The following NRDC variants were observed in gnomAD, a reference collection of about 807,000 sequenced individuals.
The protein encoded by NRDC is nardilysin convertase.
NRDC carries 54 observed loss-of-function variants against 147.1 expected under a neutral mutation model. The observed-to-expected ratio is 0.37, with a 90% CI of 0.29 to 0.46. The LOEUF is 0.46. Ranked by LOEUF, NRDC falls within the 20% of genes least tolerant of loss-of-function variation. NRDC has a pLI of 1.00. For synonymous variants in NRDC, 440 were observed against 482.1 expected (o/e 0.91, Z 1.14); for missense variants, 1,082 against 1,370.6 (o/e 0.79, Z 3.33).
chr1:51,799,548 G>A (rs1424192743), intron 21 of NRDC, among the ~76,000 whole-genome samples: 1 of 152,062 alleles, frequency 6.6e-6, no homozygotes, highest in East Asian at 1.9e-4. Flanking sequence ...GAACCTTTAC[G>A]CTGTTCACTA....
intron 1 of NRDC, among the ~76,000 whole-genome samples, chr1:51,874,764 G>A (rs1683244809): frequency 6.6e-6 from 1 of 152,132 alleles, no homozygotes; most frequent in South Asian, 2.1e-4. Context: ...TACTTGGTAA[G>A]CATTTAATAC....
At chr1:51,819,337 T>C (rs183727198) in intron 9 of NRDC, among the ~76,000 whole-genome samples, 1 of 152,222 alleles carries the variant, frequency 6.6e-6, no homozygotes, top group East Asian at 1.9e-4. Flanking sequence ...ATGACTTCTC[T>C]TCATGGTAAG....
intron 19 of NRDC, among the ~76,000 whole-genome samples, chr1:51,804,256 G>A (rs1679346317): frequency 6.6e-6 from 1 of 152,166 alleles, no homozygotes; most frequent in African/African-American, 2.4e-5. Context: ...TGGCCTGAAG[G>A]CTCTGTCTAC....
At chr1:51,860,482 C>T (rs906567763) in intron 1 of NRDC, among the ~76,000 whole-genome samples, 4 of 152,164 alleles carry the variant, frequency 2.6e-5, no homozygotes, top group East Asian at 1.9e-4. Context: ...TAGAGACTGC[C>T]ACCTCTTTCT....
At chr1:51,864,655 A>G (rs1365806804) in intron 1 of NRDC, among the ~76,000 whole-genome samples, 1 of 152,138 alleles carries the variant, frequency 6.6e-6, no homozygotes, top group Admixed American at 6.5e-5. Context: ...TTAAATAGTA[A>G]TAAAATTAGA....
At chr1:51,825,515 A>C in intron 5 of NRDC, 133 bp from the exon 6 acceptor site, 1 of 695,474 alleles carries the variant, frequency 1.4e-6, no homozygotes, top group Non-Finnish European at 2.4e-6. Context: ...ATAAGACTGA[A>C]GTGGGAAACT....
intron 1 of NRDC, among the ~76,000 whole-genome samples, chr1:51,869,571 T>G (rs1234374375): frequency 6.6e-6 from 1 of 152,204 alleles, no homozygotes; most frequent in Non-Finnish European, 1.5e-5. Context: ...TCTCTCTATT[T>G]CAACATATAA....
In NRDC at chr1:51,878,353, T is replaced by C. The variant is rs758820561; in HGVS notation, c.263A>G (p.Glu88Gly). Residue 88 changes from glutamate (E) to glycine (G), a missense_variant, in exon 1 of 31, where the codon GAA (glutamate) becomes GGA (glycine). Physicochemically the swap from Glu to Gly is moderately conservative, Grantham distance 98. Around this residue, in one of 3 missense-constraint regions of NRDC, gnomAD observed 260 missense variants for 253.2 expected, o/e 1.03. Transcript: ENST00000352171. ...ACTGAGAGACCCCCTCCGTCCCTCT[T>C]CCTCAGATTCATCCGCTCCTAGACG... ...VARLGADESEEEGRRGSLSNA... is the reference protein window; with the variant it reads ...VARLGADESEGEGRRGSLSNA... The C allele has an allele frequency of 6.2e-7, 1 of 1,614,146 alleles. No individual in the cohort carries two copies. The highest frequency in any genetic ancestry group is 1.7e-5 in the Admixed American group (1 of 60,018).
At chr1:51,826,936 T>C (rs969873830) in intron 5 of NRDC, among the ~76,000 whole-genome samples, 1 of 152,222 alleles carries the variant, frequency 6.6e-6, no homozygotes, top group Admixed American at 6.5e-5. Context: ...ATAACAGTTC[T>C]TGAGTCTCAA....
intron 23 of NRDC, 82 bp from the exon 24 acceptor site, chr1:51,794,692 CA>C: frequency 6.3e-7 from 1 of 1,587,952 alleles, no homozygotes; most frequent in Non-Finnish European, 8.6e-7. Context: ...TTGCCTTGTA[CA>C]CCAGCCTCAA....
chr1:51,845,149 A>G lies in NRDC; in HGVS notation c.342-4635T>C, dbSNP rs966945161. Among the ~76,000 whole-genome samples the G allele has an allele frequency of 2.7e-4, 41 of 152,134 alleles. 1 individual carries two copies. Among genetic ancestry groups the G allele is most frequent in the East Asian group, 1.3e-3 (7 of 5,188 alleles). ...ACTCTTCCTTCATTCTGTTTGCTCT[A>G]AACAAATGACTTTATTGTTGTTTCC... On this transcript the variant is annotated intron_variant, in intron 1 of 30. Transcript: ENST00000352171.
At chr1:51,852,006 T>G (rs1189743419) in intron 1 of NRDC, among the ~76,000 whole-genome samples, 1 of 152,160 alleles carries the variant, frequency 6.6e-6, no homozygotes, top group Non-Finnish European at 1.5e-5. Context: ...GTCCTCCATC[T>G]GTGAGGGGGG....
intron 1 of NRDC, among the ~76,000 whole-genome samples, chr1:51,848,766 T>A (rs1265580480): frequency 3.3e-5 from 5 of 152,198 alleles, no homozygotes; most frequent in Non-Finnish European, 7.3e-5. Context: ...TTTTAATGTA[T>A]TAACTTACAT....
intron 16 of NRDC, among the ~76,000 whole-genome samples, chr1:51,809,788 G>A (rs1055599717): frequency 6.6e-6 from 1 of 152,058 alleles, no homozygotes; most frequent in Admixed American, 6.6e-5. Flanking sequence ...TGTAATCCCA[G>A]CTACTTGGGA....
intron 1 of NRDC, among the ~76,000 whole-genome samples, chr1:51,841,187 T>A (rs1292158537): frequency 6.6e-6 from 1 of 152,118 alleles, no homozygotes; most frequent in Non-Finnish European, 1.5e-5. Context: ...CTCAGCCTCC[T>A]GAGTGGCTGG....
At chr1:51,796,159 G>A (rs542484826) in intron 22 of NRDC, among the ~76,000 whole-genome samples, 12 of 151,984 alleles carry the variant, frequency 7.9e-5, no homozygotes, top group Non-Finnish European at 1.6e-4. Flanking sequence ...GGGATGACAG[G>A]CATAAGCCAC....
intron 2 of NRDC, chr1:51,837,397 G>C: frequency 8.0e-7 from 1 of 1,243,616 alleles, no homozygotes. Flanking sequence ...TGAAGACTTA[G>C]GCACATAAAC....
At position 51,822,038 on chromosome 1, in the gene NRDC, G is replaced by A. The variant is rs535413093; in HGVS notation, c.1160-483C>T. Among the ~76,000 whole-genome samples, 23 of 150,850 alleles carry A rather than the reference G, an allele frequency of 1.5e-4. No homozygotes were observed. In the East Asian group the frequency reaches 3.5e-3, roughly 23 times the overall value. ...TTTAACTCATAGGTCTTCTTTTTAG[G>A]CTTTATATATATATATATCATACAT... On this transcript the variant is annotated intron_variant, in intron 7 of 30. Coordinates refer to ENST00000352171, the MANE Select transcript of NRDC (RefSeq NM_001101662.2).
Position 51,834,184 on chromosome 1 carries a change from AC to A in NRDC, c.713-15del, listed in dbSNP as rs773853185. On this transcript the variant is annotated splice_polypyrimidine_tract_variant and intron_variant, in intron 3 of 30. Transcript: ENST00000352171. The stretch of plus-strand genomic sequence containing the variant: ...CCATGAATACCACTAAATGGAAAGA[AC>A]ACAAAGTCACACAACACAAAGATAT... 3.1e-6 allele frequency: 5 copies of A among 1,612,718 alleles called. No homozygotes were observed. In the Admixed American group the frequency reaches 8.4e-5, roughly 27 times the overall value.
Sources: allele counts gnomAD v4.1 joint callset (sites outside exome capture counted in the v4.1 genomes callset), GRCh38; gene constraint gnomAD v4.1.1; regional missense constraint gnomAD v4.1.1; transcripts MANE v1.5; gene names NCBI Gene and HGNC (gene_info 2026-07-23, HGNC 2026-07-21).